The following ZDHHC22 variants were observed in gnomAD, a reference collection of about 807,000 sequenced individuals.
ZDHHC22 encodes the protein zDHHC palmitoyltransferase 22.
ZDHHC22 carries 13 observed loss-of-function variants against 17.0 expected under a neutral mutation model. The observed-to-expected ratio is 0.76, with a 90% CI of 0.50 to 1.21. ZDHHC22 has a LOEUF of 1.21. Ranked by LOEUF, ZDHHC22 falls within the 50% of genes most tolerant of loss-of-function variation. The pLI is 0.00. For missense variants in ZDHHC22, 319 were observed against 342.3 expected (o/e 0.93, Z 0.54); for synonymous variants, 138 against 154.7 (o/e 0.89, Z 0.80).
In ZDHHC22 at chr14:77,139,510, C is replaced by T. The variant is rs1887204051; in HGVS notation, c.229G>A (p.Gly77Arg). The T allele has an allele frequency of 1.9e-6, 3 of 1,611,866 alleles. No homozygotes were observed. The highest frequency in any genetic ancestry group is 1.7e-5 in the Admixed American group (1 of 59,686). Reference protein sequence around the residue: ...LVIQNSPDDLGACQGASARKT... With the variant: ...LVIQNSPDDLRACQGASARKT... ...CTGGCCGAGGCCCCCTGGCAGGCCCCCAGGTCGTCTGGGGAGTTCTGGATG... is the reference window on the plus strand; with the variant it reads ...CTGGCCGAGGCCCCCTGGCAGGCCCTCAGGTCGTCTGGGGAGTTCTGGATG... The change falls in exon 2 of 3, where the codon GGG (glycine) becomes AGG (arginine). Residue 77 changes from glycine to arginine, a missense_variant. Gly to Arg is a moderately radical substitution (Grantham distance 125). Coordinates refer to ENST00000319374, the MANE Select transcript of ZDHHC22 (RefSeq NM_174976.2).
rs1395035338 is a variant in ZDHHC22, at chr14:77,131,452, C to T, written c.*2231G>A. 2 of 152,182 alleles carry T rather than the reference C, an allele frequency of 1.3e-5. No individual in the cohort carries two copies. The highest frequency in any genetic ancestry group is 2.4e-5 in the African/African-American group (1 of 41,434). The allele number at this position is 152,182 out of a possible 1,614,324, so 9.4% of individuals were successfully genotyped here. On this transcript the variant is annotated 3_prime_UTR_variant, in exon 3 of 3. Coordinates refer to ENST00000319374, the MANE Select transcript of ZDHHC22 (RefSeq NM_174976.2). ...CCTTCCCCAGGATGTCAGGCCTCAC[C>T]GTGCTGAGCCTTCAGGAGGCTGGAA...
chr14:77,133,732 A>G lies in ZDHHC22; in HGVS notation c.743T>C (p.Val248Ala). 1.9e-6 allele frequency: 3 copies of G among 1,613,952 alleles called. No homozygotes were observed. Among genetic ancestry groups the G allele is most frequent in the Non-Finnish European group, 2.5e-6 (3 of 1,179,882 alleles). ...CTCACTTCCGACATTGAACATGGGG[A>G]CCAGCAGGCCCAGCAGCCACCTCTT... Reference protein sequence around the residue: ...FGKRWLLGLLVPMFNVGSESS... With the variant: ...FGKRWLLGLLAPMFNVGSESS... The change falls in exon 3 of 3, where the codon GTC (valine) becomes GCC (alanine). Residue 248 changes from valine (V) to alanine (A), a missense_variant. By Grantham distance (64) the Val-to-Ala change is moderately conservative. Transcript: ENST00000319374.
chr14:77,139,929 C>A (rs983292671), intron 1 of ZDHHC22, among the ~76,000 whole-genome samples, 177 bp from the exon 2 acceptor site: 5 of 152,174 alleles, frequency 3.3e-5, no homozygotes, highest in African/African-American at 4.8e-5. Flanking sequence ...GCCAGAGACC[C>A]GAGCCCGCAG....
chr14:77,136,888 A>C (rs929455898), intron 2 of ZDHHC22, among the ~76,000 whole-genome samples: 19 of 152,204 alleles, frequency 1.2e-4, no homozygotes, highest in African/African-American at 4.6e-4. Flanking sequence ...CTCTCACCTC[A>C]GCCTCCTGAG....
At chr14:77,139,814 C>G in intron 1 of ZDHHC22, 62 bp from the exon 2 acceptor site, 1 of 1,429,620 alleles carries the variant, frequency 7.0e-7, no homozygotes, top group Non-Finnish European at 9.2e-7. Flanking sequence ...CGCCCTCGCC[C>G]GCTCCTCCGT....
At position 77,139,521 on chromosome 14, in the gene ZDHHC22, G is replaced by A. The variant is rs1185804352; in HGVS notation, c.218C>T (p.Pro73Leu). ...GNYVLVIQNSPDDLGACQGAS... is the reference protein window; with the variant it reads ...GNYVLVIQNSLDDLGACQGAS... ...CCCCTGGCAGGCCCCCAGGTCGTCTGGGGAGTTCTGGATGACAAGGACGTA... is the reference window on the plus strand; with the variant it reads ...CCCCTGGCAGGCCCCCAGGTCGTCTAGGGAGTTCTGGATGACAAGGACGTA... The change falls in exon 2 of 3, where the codon CCA becomes CTA. Residue 73 changes from proline (P) to leucine (L), a missense_variant. Pro to Leu is a moderately conservative substitution (Grantham distance 98). Coordinates refer to ENST00000319374, the MANE Select transcript of ZDHHC22 (RefSeq NM_174976.2). 6.2e-7 allele frequency: 1 copy of A among 1,610,418 alleles called. No homozygotes were observed.
chr14:77,136,104 A>G (rs1249286868), intron 2 of ZDHHC22, among the ~76,000 whole-genome samples: 1 of 152,214 alleles, frequency 6.6e-6, no homozygotes, highest in Non-Finnish European at 1.5e-5. Context: ...ATACTTTTTA[A>G]TACATCCAAG....
chr14:77,141,195 C>A, intron 1 of ZDHHC22: 1 of 152,160 alleles, frequency 6.6e-6, no homozygotes, highest in Middle Eastern at 3.2e-3. Context: ...GTGCTGCCCA[C>A]CCCAGAGAGC....
chr14:77,139,277 G>A lies in ZDHHC22; in HGVS notation c.462C>T (p.Ile154=), dbSNP rs530462333. Residue 154 remains isoleucine (I), a synonymous_variant, in exon 2 of 3, where the codon ATC becomes ATT. Coordinates refer to ENST00000319374, the MANE Select transcript of ZDHHC22 (RefSeq NM_174976.2). ...GGAAGGCCAAGGGGTGGGCGAAGGA[G>A]ATGGAAAGGACAGCGGAGATGTAGG... ...GVAYISAVLS[I]SFAHPLAFLT... 19 of 1,597,008 alleles carry A rather than the reference G, an allele frequency of 1.2e-5. No homozygotes were observed. Among genetic ancestry groups the A allele is most frequent in the Non-Finnish European group, 1.6e-5 (19 of 1,172,136 alleles).
intron 2 of ZDHHC22, among the ~76,000 whole-genome samples, chr14:77,137,824 C>G (rs779678076): frequency 5.9e-5 from 9 of 152,218 alleles, no homozygotes; most frequent in Non-Finnish European, 1.3e-4. Flanking sequence ...GCCCAGGCAC[C>G]TCAAAACAAT....
chr14:77,138,081 G>A (rs1021357207), intron 2 of ZDHHC22, among the ~76,000 whole-genome samples: 8 of 152,306 alleles, frequency 5.3e-5, no homozygotes, highest in East Asian at 1.9e-4. Context: ...ACTCAAGCAC[G>A]TAGACACTAC....
intron 2 of ZDHHC22, among the ~76,000 whole-genome samples, chr14:77,135,021 C>G (rs1365390864): frequency 6.6e-6 from 1 of 152,166 alleles, no homozygotes; most frequent in Admixed American, 6.5e-5. Flanking sequence ...CAAGCTTTTT[C>G]CTTCTCCTTT....
rs1270124452 is a variant in ZDHHC22 at position 77,139,553 on chromosome 14, C to T, written c.186G>A (p.Leu62=). 1 of 1,605,820 alleles carries T rather than the reference C, an allele frequency of 6.2e-7. No homozygotes were observed. Among genetic ancestry groups the T allele is most frequent in the Non-Finnish European group, 8.5e-7 (1 of 1,176,174 alleles). Residue 62 remains leucine, a synonymous_variant, in exon 2 of 3, where the codon CTG becomes CTA. Transcript: ENST00000319374. ...TCTGGATGACAAGGACGTAATTGCC[C>T]AGGGCGTTGGCCGAGAGGAATAGGA... The part of the protein sequence containing the change: ...ALFLFLSANA[L]GNYVLVIQNS...
In ZDHHC22 at chr14:77,139,307, G is replaced by A. The variant is rs567122881; in HGVS notation, c.432C>T (p.Gly144=). ...SLACLYSMVA[G]VAYISAVLSI... ...AAAGGACAGCGGAGATGTAGGCCAC[G>A]CCGGCCACCATGGAGTAGAGGCAGG... The change falls in exon 2 of 3, where the codon GGC becomes GGT. Residue 144 remains glycine (G), a synonymous_variant. Coordinates refer to ENST00000319374, the MANE Select transcript of ZDHHC22 (RefSeq NM_174976.2). 269 of 1,599,678 alleles carry A rather than the reference G, an allele frequency of 1.7e-4. No individual in the cohort carries two copies. The highest frequency in any genetic ancestry group is 2.2e-4 in the Non-Finnish European group (256 of 1,173,366).
At chr14:77,137,465 A>G (rs939473787) in intron 2 of ZDHHC22, among the ~76,000 whole-genome samples, 1 of 152,190 alleles carries the variant, frequency 6.6e-6, no homozygotes, top group African/African-American at 2.4e-5. Flanking sequence ...AACTACTTGG[A>G]AAAGAAAGTA....
At chr14:77,137,538 C>T (rs1467706450) in intron 2 of ZDHHC22, among the ~76,000 whole-genome samples, 2 of 51,814 alleles carry the variant, frequency 3.9e-5, no homozygotes, top group Admixed American at 2.7e-4. Context: ...CACCCACTAG[C>T]CCACCCACCC....
Position 77,131,888 on chromosome 14 carries a change from T to C in ZDHHC22, c.*1795A>G, listed in dbSNP as rs1002663540. ...GGATGGATGAGTGAAGGAATGAGTA[T>C]GGGAGGGAGAAATGTGAGCAGGTGG... On this transcript the variant is annotated 3_prime_UTR_variant, in exon 3 of 3. Transcript: ENST00000319374. 2.0e-5 allele frequency: 3 copies of C among 152,352 alleles called. No individual in the cohort carries two copies. In the South Asian group the frequency reaches 6.2e-4, roughly 32 times the overall value. The allele number at this position is 152,352 out of a possible 1,614,324, so 9.4% of individuals were successfully genotyped here.
At chr14:77,136,044 C>T (rs1170735786) in intron 2 of ZDHHC22, among the ~76,000 whole-genome samples, 2 of 152,216 alleles carry the variant, frequency 1.3e-5, no homozygotes, top group African/African-American at 2.4e-5. Flanking sequence ...CTCCCCTGCC[C>T]CTTCCTCCCA....
chr14:77,132,242 T>C lies in ZDHHC22; in HGVS notation c.*1441A>G, dbSNP rs1284946430. 1 of 152,580 alleles carries C rather than the reference T, an allele frequency of 6.6e-6. No homozygotes were observed. The highest frequency in any genetic ancestry group is 1.9e-4 in the East Asian group (1 of 5,192). 9.5% of individuals were successfully genotyped at this position (152,580 alleles called of 1,614,324 possible). Reference sequence around the variant, plus strand: ...ATGGTCTGGGAATTGCACCCTTATATTCTGGTCATCTCCACTCCTCAGCCT... The same window carrying C: ...ATGGTCTGGGAATTGCACCCTTATACTCTGGTCATCTCCACTCCTCAGCCT... On this transcript the variant is annotated 3_prime_UTR_variant, in exon 3 of 3. Coordinates refer to ENST00000319374, the MANE Select transcript of ZDHHC22 (RefSeq NM_174976.2).
Sources: gnomAD v4.1 joint callset for allele counts (sites outside exome capture counted in the v4.1 genomes callset) on GRCh38, gnomAD v4.1.1 for gene constraint, MANE v1.5 for transcripts, NCBI Gene and HGNC (gene_info 2026-07-23, HGNC 2026-07-21) for gene names.